Variants in TCF4 observed in about 807,000 individuals in gnomAD.
TCF4 encodes SL3-3 enhancer factor 2.
In TCF4, 3 loss-of-function variants were observed where a neutral mutation model predicts 82.1. That is an observed-to-expected ratio of 0.04 (90% CI 0.02 to 0.09). The LOEUF is 0.09. Ranked by LOEUF, TCF4 falls within the 10% of genes least tolerant of loss-of-function variation. TCF4 has a pLI of 1.00. For synonymous variants in TCF4, 276 were observed against 309.6 expected (o/e 0.89, Z 1.14); for missense variants, 518 against 852.7 (o/e 0.61, Z 4.89).
At chr18:55,573,329 T>C (rs1360941136) in intron 3 of TCF4, among the ~76,000 whole-genome samples, 1 of 149,716 alleles carries the variant, frequency 6.7e-6, no homozygotes, top group Non-Finnish European at 1.5e-5. Context: ...GTAGCCACTA[T>C]GAATGCTCCC....
At chr18:55,608,455 T>C (rs1315439952) in intron 2 of TCF4, among the ~76,000 whole-genome samples, 5 of 150,992 alleles carry the variant, frequency 3.3e-5, no homozygotes, top group African/African-American at 2.4e-5. Context: ...ACCTTGAGTA[T>C]GTTTTAGAGG....
At chr18:55,243,056 T>A (rs970494754) in intron 15 of TCF4, among the ~76,000 whole-genome samples, 4 of 152,208 alleles carry the variant, frequency 2.6e-5, no homozygotes, top group African/African-American at 9.6e-5. Flanking sequence ...AAGAAGAACA[T>A]GACATTTTAG....
At chr18:55,513,160 G>A (rs771197592) in intron 3 of TCF4, among the ~76,000 whole-genome samples, 10 of 152,280 alleles carry the variant, frequency 6.6e-5, no homozygotes, top group Admixed American at 2.6e-4. Flanking sequence ...ATAAAACAGC[G>A]TCACTGACTA....
At chr18:55,373,723 A>C (rs962575180) in intron 6 of TCF4, among the ~76,000 whole-genome samples, 2 of 152,038 alleles carry the variant, frequency 1.3e-5, no homozygotes, top group African/African-American at 4.8e-5. Context: ...TGAGGTGGGA[A>C]GATTGCTTGA....
intron 3 of TCF4, among the ~76,000 whole-genome samples, chr18:55,554,831 A>G (rs1021733420): frequency 3.9e-5 from 6 of 152,254 alleles, no homozygotes; most frequent in African/African-American, 1.4e-4. Flanking sequence ...GAATTCTGTA[A>G]CTTCACCATT....
At chr18:55,612,947 C>CA (rs1424547370) in intron 2 of TCF4, among the ~76,000 whole-genome samples, 3 of 151,962 alleles carry the variant, frequency 2.0e-5, no homozygotes, top group African/African-American at 7.3e-5. Context: ...GACTCTGTCT[C>CA]AAAAAATATA....
intron 6 of TCF4, among the ~76,000 whole-genome samples, chr18:55,378,936 G>A (rs1167448468): frequency 2.0e-5 from 3 of 152,172 alleles, no homozygotes; most frequent in Non-Finnish European, 2.9e-5. Flanking sequence ...AACCACAAAA[G>A]TTGTTTGAAC....
At chr18:55,322,437 A>AC (rs2075834161) in intron 8 of TCF4, 1 of 1,007,218 alleles carries the variant, frequency 9.9e-7, no homozygotes, top group African/African-American at 1.7e-5. Context: ...AAAAAAAAAA[A>AC]AAAAAAAAAA....
rs191001029 is a variant in TCF4, at chr18:55,317,462, T to C, written c.549+32897A>G. Among the ~76,000 whole-genome samples, 558 of 152,200 alleles carry C rather than the reference T, an allele frequency of 3.7e-3. 4 individuals carry two copies. The highest frequency in any genetic ancestry group is 0.013 in the African/African-American group (542 of 41,568). ...AATGTAATTTGCATAGTTGACACTC[T>C]ACTGGAAACTTTAAAACCCAGTGGC... On this transcript the variant is annotated intron_variant, in intron 8 of 19. Coordinates refer to ENST00000354452, the MANE Select transcript of TCF4 (RefSeq NM_001083962.2).
chr18:55,519,145 T>A (rs748776100), intron 3 of TCF4: 1 of 152,144 alleles, frequency 6.6e-6, no homozygotes, highest in Non-Finnish European at 1.5e-5. Flanking sequence ...AGTTAAGACA[T>A]GTTCTGGCCA....
chr18:55,604,444 C>T (rs566836926), intron 2 of TCF4, among the ~76,000 whole-genome samples: 6 of 151,966 alleles, frequency 3.9e-5, no homozygotes, highest in Non-Finnish European at 7.4e-5. Context: ...TGGAAAGTTA[C>T]GGAAGGGTTA....
At chr18:55,383,734 T>C (rs562714711) in intron 6 of TCF4, among the ~76,000 whole-genome samples, 1 of 152,314 alleles carries the variant, frequency 6.6e-6, no homozygotes, top group South Asian at 2.1e-4. Flanking sequence ...TTCTGGAATC[T>C]TACGCTAAAA....
At chr18:55,607,173 C>T (rs1324551051) in intron 2 of TCF4, among the ~76,000 whole-genome samples, 1 of 152,204 alleles carries the variant, frequency 6.6e-6, no homozygotes, top group East Asian at 1.9e-4. Flanking sequence ...TTACGCTTTT[C>T]TAAAAAAATA....
Position 55,387,975 on chromosome 18 carries a change from G to A in TCF4, c.369+15479C>T, listed in dbSNP as rs781137450. On this transcript the variant is annotated intron_variant, in intron 6 of 19. Transcript: ENST00000354452. ...CAAGGTCTGCTTGCTGTGTGATGACGACCAACCTCAACATCTCTGAGCTTT... is the reference window on the plus strand; with the variant it reads ...CAAGGTCTGCTTGCTGTGTGATGACAACCAACCTCAACATCTCTGAGCTTT... Among the ~76,000 whole-genome samples the A allele has an allele frequency of 1.1e-3, 173 of 152,252 alleles. 1 individual carries two copies. The highest frequency in any genetic ancestry group is 5.6e-4 in the Non-Finnish European group (38 of 68,024).
upstream of TCF4, among the ~76,000 whole-genome samples, chr18:55,591,850 C>T (rs968229457): frequency 1.4e-4 from 21 of 152,176 alleles, no homozygotes; most frequent in Non-Finnish European, 2.6e-4. Context: ...AATAAATAAT[C>T]TATCCAGAAA....
At chr18:55,262,157 C>T (rs1157721968) in intron 11 of TCF4, among the ~76,000 whole-genome samples, 1 of 152,096 alleles carries the variant, frequency 6.6e-6, no homozygotes, top group African/African-American at 2.4e-5. Flanking sequence ...AATATGGCCT[C>T]GAATTCCAGA....
At chr18:55,580,584 T>C (rs1449797326) in intron 3 of TCF4, among the ~76,000 whole-genome samples, 2 of 151,994 alleles carry the variant, frequency 1.3e-5, no homozygotes, top group East Asian at 3.9e-4. Flanking sequence ...TTTATTTGGA[T>C]ACAAAGGCGG....
intron 6 of TCF4, among the ~76,000 whole-genome samples, chr18:55,359,563 G>A (rs946374549): frequency 6.6e-6 from 1 of 152,176 alleles, no homozygotes; most frequent in African/African-American, 2.4e-5. Context: ...TATTAGCTAT[G>A]GAAGATGCTT....
At chr18:55,337,446 G>A (rs1339747406) in intron 8 of TCF4, among the ~76,000 whole-genome samples, 3 of 152,196 alleles carry the variant, frequency 2.0e-5, no homozygotes, top group African/African-American at 4.8e-5. Flanking sequence ...TTGGGGAACA[G>A]CTCTTTGCAA....
Sources: gnomAD v4.1 joint callset for allele counts (sites outside exome capture counted in the v4.1 genomes callset) on GRCh38, gnomAD v4.1.1 for gene constraint, MANE v1.5 for transcripts, NCBI Gene and HGNC (gene_info 2026-07-23, HGNC 2026-07-21) for gene names.